Variants in HINT1 observed in about 807,000 individuals in gnomAD.
HINT1 encodes the protein histidine triad nucleotide binding protein 1.
In HINT1, 12 loss-of-function variants were observed where a neutral mutation model predicts 11.2. The observed-to-expected ratio is 1.07, with a 90% CI of 0.69 to 1.74. The LOEUF is 1.74. HINT1 is among the 40% of genes most tolerant of loss of function. The pLI, the probability that HINT1 is intolerant of heterozygous loss-of-function variation, is 0.00. For synonymous variants in HINT1, 42 were observed against 52.6 expected, an observed-to-expected ratio of 0.80 and a Z score of 0.87; for missense variants, 150 against 161.8, an observed-to-expected ratio of 0.93 and a Z score of 0.40.
chr5:131,159,425 GA>G lies in HINT1; in HGVS notation c.*21del, dbSNP rs1351893368. The G allele has an allele frequency of 2.5e-6, 4 of 1,606,166 alleles. No individual in the cohort carries two copies. Among genetic ancestry groups the G allele is most frequent in the Non-Finnish European group, 2.5e-6 (3 of 1,177,034 alleles). On this transcript the variant is annotated 3_prime_UTR_variant, in exon 3 of 3. Transcript: ENST00000304043. ...TAACTTAATCATTGCCTAAAGAAGA[GA>G]AAATTATCCCCAAAACGTGCTTAAC...
intron 1 of HINT1, among the ~76,000 whole-genome samples, chr5:131,164,571 C>T (rs1177493859): frequency 6.6e-6 from 1 of 152,130 alleles, no homozygotes; most frequent in Admixed American, 6.5e-5. Context: ...CCAGACGGCC[C>T]GCGCACCTCC....
At position 131,165,185 on chromosome 5, in the gene HINT1, C is replaced by A; in HGVS notation, c.21G>T (p.Lys7Asn). Residue 7 changes from lysine to asparagine, a missense_variant, in exon 1 of 3, where the codon AAG (lysine) becomes AAT (asparagine). Lys to Asn is a moderately conservative substitution (Grantham distance 94, BLOSUM62 0). Transcript: ENST00000304043. MADEIA[K>N]AQVARPGGDT... ...CGCCACCAGGCCGAGCGACCTGAGC[C>A]TTGGCAATCTCATCTGCCATCTCGG... is the stretch of plus-strand genomic sequence containing the variant. The A allele has an allele frequency of 6.2e-7, 1 of 1,609,248 alleles. No homozygotes were observed.
At chr5:131,162,193 G>A (rs1043239209) in intron 2 of HINT1, 10 of 519,200 alleles carry the variant, frequency 1.9e-5, no homozygotes, top group African/African-American at 7.7e-5. Context: ...CCTTGGTGGC[G>A]GGCGCCTGTT....
intron 2 of HINT1, among the ~76,000 whole-genome samples, chr5:131,160,184 GT>G (rs34288966): frequency 0.12 from 17,951 of 152,116 alleles, 2,637 homozygotes; most frequent in African/African-American, 0.34. Context: ...TCCAAGTGCT[GT>G]TTTAAGTTTT....
At chr5:131,161,762 G>A (rs1755255237) in intron 2 of HINT1, among the ~76,000 whole-genome samples, 1 of 152,038 alleles carries the variant, frequency 6.6e-6, no homozygotes, top group Non-Finnish European at 1.5e-5. Context: ...CAGAAATAAT[G>A]TCTCACTTTA....
intron 2 of HINT1, 197 bp downstream of exon 2, chr5:131,162,375 C>T (rs185790444): frequency 8.2e-5 from 85 of 1,036,944 alleles, no homozygotes; most frequent in Middle Eastern, 6.0e-4. Flanking sequence ...GAAGCTGGAA[C>T]GCTCATTCAT....
chr5:131,159,246 A>G lies in HINT1; in HGVS notation c.*201T>C, dbSNP rs1755187994. 4.3e-6 allele frequency: 2 copies of G among 468,774 alleles called. No homozygotes were observed. The highest frequency in any genetic ancestry group is 7.6e-6 in the Non-Finnish European group (2 of 264,164). The allele number at this position is 468,774 out of a possible 1,614,324, so 29.0% of individuals were successfully genotyped here. A position where few individuals can be genotyped will look rare whatever the true frequency, so the allele number is the denominator to read the frequency against. On this transcript the variant is annotated 3_prime_UTR_variant, in exon 3 of 3. Transcript: ENST00000304043. ...CCCACCTTCACATATTCCAACAAAT[A>G]TGTTTTTAAAATAACAAATCAAACG...
At chr5:131,162,383 C>T (rs529470442) in intron 2 of HINT1, 189 bp downstream of exon 2, 2 of 1,128,678 alleles carry the variant, frequency 1.8e-6, no homozygotes, top group Non-Finnish European at 2.6e-6. Flanking sequence ...AACGCTCATT[C>T]ATTGCTGGTG....
chr5:131,163,824 G>A (rs974642008), intron 1 of HINT1, among the ~76,000 whole-genome samples: 3 of 152,186 alleles, frequency 2.0e-5, no homozygotes, highest in Non-Finnish European at 4.4e-5. Flanking sequence ...TGAAGTGAAA[G>A]CTGTTTTAAT....
chr5:131,160,230 C>T (rs1010661149), intron 2 of HINT1, among the ~76,000 whole-genome samples: 2 of 152,122 alleles, frequency 1.3e-5, no homozygotes, highest in African/African-American at 4.8e-5. Flanking sequence ...TTCTTTATGA[C>T]TTCCTTATGA....
chr5:131,162,571 C>T lies in HINT1; in HGVS notation c.216+1G>A. ...ATAAATCATGTTAGAAATGTACTTA[C>T]ACTTTCATCATCATCTTCTGCCACA... On this transcript the variant is annotated splice_donor_variant, in intron 2 of 2. Transcript: ENST00000304043. LOFTEE classifies it high-confidence loss of function. 1 of 1,607,508 alleles carries T rather than the reference C, an allele frequency of 6.2e-7. No homozygotes were observed. The highest frequency in any genetic ancestry group is 8.5e-7 in the Non-Finnish European group (1 of 1,174,066).
Position 131,159,417 on chromosome 5 carries a change from A to G in HINT1, c.*30T>C, listed in dbSNP as rs757368023. On this transcript the variant is annotated 3_prime_UTR_variant, in exon 3 of 3. Coordinates refer to ENST00000304043, the MANE Select transcript of HINT1 (RefSeq NM_005340.7). ...AAATTGCCTAACTTAATCATTGCCT[A>G]AAGAAGAGAAAATTATCCCCAAAAC... The G allele has an allele frequency of 1.2e-6, 2 of 1,604,130 alleles. No homozygotes were observed. Among genetic ancestry groups the G allele is most frequent in the South Asian group, 2.2e-5 (2 of 90,646 alleles).
intron 1 of HINT1, 97 bp downstream of exon 1, chr5:131,164,998 C>T: frequency 6.4e-7 from 1 of 1,553,164 alleles, no homozygotes; most frequent in South Asian, 1.1e-5. Context: ...CCCGTCGCCG[C>T]TACACTCGCG....
chr5:131,159,764 C>T (rs1273326910), intron 2 of HINT1, among the ~76,000 whole-genome samples, 153 bp from the exon 3 acceptor site: 1 of 152,198 alleles, frequency 6.6e-6, no homozygotes, highest in Non-Finnish European at 1.5e-5. Flanking sequence ...CCCAACAGAG[C>T]ATAATCTACA....
chr5:131,160,736 T>G, intron 2 of HINT1: 1 of 1,116,718 alleles, frequency 9.0e-7, no homozygotes, highest in Non-Finnish European at 1.2e-6. Context: ...TTTTTCAACT[T>G]TACAATGGTG....
At chr5:131,159,785 C>T (rs2149651329) in intron 2 of HINT1, among the ~76,000 whole-genome samples, 174 bp from the exon 3 acceptor site, 1 of 152,206 alleles carries the variant, frequency 6.6e-6, no homozygotes, top group Middle Eastern at 3.4e-3. Context: ...ACTGGAGACT[C>T]ATTAAGATTA....
Position 131,162,590 on chromosome 5 carries a change from T to A in HINT1, c.198A>T (p.Ala66=), listed in dbSNP as rs150581567. The part of the protein sequence containing the change: ...PKKHISQISV[A]EDDDESLLGH... ...TACTTACACTTTCATCATCATCTTC[T>A]GCCACAGAAATCTGGGATATATGTT... Residue 66 remains alanine (A), a synonymous_variant, in exon 2 of 3, where the codon GCA becomes GCT. Coordinates refer to ENST00000304043, the MANE Select transcript of HINT1 (RefSeq NM_005340.7). 1 of 1,612,120 alleles carries A rather than the reference T, an allele frequency of 6.2e-7. No homozygotes were observed. Among genetic ancestry groups the A allele is most frequent in the Admixed American group, 1.7e-5 (1 of 60,016 alleles).
At chr5:131,165,010 C>T (rs2149654743) in intron 1 of HINT1, 85 bp downstream of exon 1, 2 of 1,581,912 alleles carry the variant, frequency 1.3e-6, no homozygotes, top group Middle Eastern at 1.7e-4. Context: ...ACACTCGCGA[C>T]CCCTCCTCTC....
chr5:131,160,594 G>A, intron 2 of HINT1: 1 of 449,284 alleles, frequency 2.2e-6, no homozygotes, highest in Middle Eastern at 5.7e-4. Flanking sequence ...AGGGAAGGGA[G>A]AGAGTCTTAC....
Sources: allele counts gnomAD v4.1 joint callset (sites outside exome capture counted in the v4.1 genomes callset), GRCh38; gene constraint gnomAD v4.1.1; transcripts MANE v1.5; gene names NCBI Gene and HGNC (gene_info 2026-07-23, HGNC 2026-07-21).